Variants in MARCHF1 observed in about 807,000 individuals in gnomAD.
MARCHF1 encodes the protein membrane associated ring-CH-type finger 1.
Under a neutral mutation model 54.2 loss-of-function variants are expected in MARCHF1, and 40 were observed. The ratio of observed to expected loss-of-function variants is 0.74; its 90% confidence interval spans 0.57 to 0.96. The LOEUF (loss-of-function observed/expected upper bound fraction) is 0.96. Ranked by LOEUF, MARCHF1 falls within the 40% of genes least tolerant of loss-of-function variation. The probability of loss-of-function intolerance (pLI) is 0.00; values close to 1 mark genes in which losing one functional copy is unlikely to be tolerated. For missense variants in MARCHF1, 586 were observed against 656.5 expected, an observed-to-expected ratio of 0.89 and a Z score of 1.17; for synonymous variants, 236 against 236.3, an observed-to-expected ratio of 1.00 and a Z score of 0.01.
chr4:164,082,651 G>A (rs1755123931), intron 2 of MARCHF1, among the ~76,000 whole-genome samples: 1 of 152,066 alleles, frequency 6.6e-6, no homozygotes, highest in African/African-American at 2.4e-5. Flanking sequence ...AAGTAATTGG[G>A]CATCATATGT....
intron 3 of MARCHF1, among the ~76,000 whole-genome samples, chr4:163,938,175 T>C (rs928689616): frequency 1.3e-5 from 2 of 152,284 alleles, no homozygotes; most frequent in Non-Finnish European, 2.9e-5. Context: ...ACACTTCTTT[T>C]AGTGTGACAT....
At chr4:163,859,272 G>T (rs1266342622) in intron 3 of MARCHF1, among the ~76,000 whole-genome samples, 1 of 151,796 alleles carries the variant, frequency 6.6e-6, no homozygotes, top group African/African-American at 2.4e-5. Flanking sequence ...CCCTCACCTT[G>T]TAAGGTGGCA....
At chr4:164,138,619 A>C (rs1262835735) in intron 1 of MARCHF1, among the ~76,000 whole-genome samples, 1 of 152,202 alleles carries the variant, frequency 6.6e-6, no homozygotes, top group African/African-American at 2.4e-5. Context: ...TATGGGCAGA[A>C]CAGTGCAGAG....
At chr4:164,335,381 G>A (rs1041418986) in intron 1 of MARCHF1, among the ~76,000 whole-genome samples, 2 of 152,146 alleles carry the variant, frequency 1.3e-5, no homozygotes, top group Non-Finnish European at 2.9e-5. Flanking sequence ...CAGAGATCAA[G>A]ACCGTCCTGG....
intron 4 of MARCHF1, among the ~76,000 whole-genome samples, chr4:163,748,593 C>G (rs936233301): frequency 6.6e-6 from 1 of 152,152 alleles, no homozygotes; most frequent in African/African-American, 2.4e-5. Flanking sequence ...GCCTGCCAGG[C>G]TCAAGTAAGA....
chr4:163,716,071 T>G (rs1745245811), intron 4 of MARCHF1, among the ~76,000 whole-genome samples: 1 of 152,228 alleles, frequency 6.6e-6, no homozygotes, highest in Admixed American at 6.5e-5. Context: ...AATTATTGTT[T>G]ATTACCAGGA....
intron 8 of MARCHF1, among the ~76,000 whole-genome samples, chr4:163,551,899 T>A (rs1739119039): frequency 6.6e-6 from 1 of 152,172 alleles, no homozygotes; most frequent in Non-Finnish European, 1.5e-5. Context: ...CCATTAAACC[T>A]CTTTTTCTTC....
chr4:164,074,525 C>G (rs930259948), intron 2 of MARCHF1, among the ~76,000 whole-genome samples: 3 of 152,100 alleles, frequency 2.0e-5, no homozygotes, highest in Admixed American at 2.0e-4. Flanking sequence ...CATCTAAATA[C>G]TTTTTGCTTC....
intron 2 of MARCHF1, among the ~76,000 whole-genome samples, chr4:164,093,924 C>T (rs1004590329): frequency 5.3e-5 from 8 of 152,068 alleles, no homozygotes; most frequent in African/African-American, 1.9e-4. Flanking sequence ...GCTCTTCTGA[C>T]ACTGTTATAA....
chr4:164,169,751 G>A (rs1393105292), intron 1 of MARCHF1, among the ~76,000 whole-genome samples: 1 of 151,994 alleles, frequency 6.6e-6, no homozygotes, highest in African/African-American at 2.4e-5. Context: ...GACCACTCAG[G>A]ACTGTGGACA....
At chr4:164,153,734 CT>C (rs1730004314) in intron 1 of MARCHF1, among the ~76,000 whole-genome samples, 1 of 152,100 alleles carries the variant, frequency 6.6e-6, no homozygotes, top group Non-Finnish European at 1.5e-5. Context: ...AAAAAGCTAT[CT>C]CTTCTTGTGC....
intron 2 of MARCHF1, among the ~76,000 whole-genome samples, chr4:164,065,067 T>A (rs911459622): frequency 6.6e-6 from 1 of 152,152 alleles, no homozygotes; most frequent in Non-Finnish European, 1.5e-5. Context: ...TTTTGCTGAG[T>A]ATTTTTGCAT....
chr4:164,075,670 G>A (rs1263325830), intron 2 of MARCHF1, among the ~76,000 whole-genome samples: 2 of 152,238 alleles, frequency 1.3e-5, no homozygotes, highest in African/African-American at 4.8e-5. Context: ...TTGAAACTGT[G>A]ATGTTAATTG....
chr4:164,331,672 T>A (rs1735437207), intron 1 of MARCHF1, among the ~76,000 whole-genome samples: 1 of 152,226 alleles, frequency 6.6e-6, no homozygotes, highest in South Asian at 2.1e-4. Flanking sequence ...CATTTATATA[T>A]AGTAGAGTGT....
At chr4:163,573,921 T>A (rs1211396812) in intron 8 of MARCHF1, among the ~76,000 whole-genome samples, 289 of 124,776 alleles carry the variant, frequency 2.3e-3, no homozygotes, top group South Asian at 4.6e-3. Flanking sequence ...TAGTTTACAG[T>A]CCCACCAACA....
At chr4:164,049,331 G>A (rs1011423398) in intron 2 of MARCHF1, among the ~76,000 whole-genome samples, 7 of 152,132 alleles carry the variant, frequency 4.6e-5, no homozygotes, top group Admixed American at 4.6e-4. Context: ...CACCCACCAG[G>A]TCCCTCCCTT....
chr4:163,836,104 A>C (rs1749173814), intron 4 of MARCHF1, among the ~76,000 whole-genome samples: 1 of 152,168 alleles, frequency 6.6e-6, no homozygotes, highest in African/African-American at 2.4e-5. Flanking sequence ...TTCTTTTTAT[A>C]ATGCCAAAAA....
intron 2 of MARCHF1, among the ~76,000 whole-genome samples, chr4:164,059,196 T>C (rs1455105576): frequency 6.6e-6 from 1 of 152,190 alleles, no homozygotes; most frequent in Non-Finnish European, 1.5e-5. Context: ...GAAATATCAG[T>C]GATTCCGGAG....
At chr4:163,943,760 A>C (rs977193772) in intron 3 of MARCHF1, among the ~76,000 whole-genome samples, 9 of 151,192 alleles carry the variant, frequency 6.0e-5, no homozygotes, top group Admixed American at 5.3e-4. Context: ...AAAAAAAAAA[A>C]AAAAAAAAAA....
Sources: gnomAD v4.1 joint callset for allele counts (sites outside exome capture counted in the v4.1 genomes callset) on GRCh38, gnomAD v4.1.1 for gene constraint, MANE v1.5 for transcripts, NCBI Gene and HGNC (gene_info 2026-07-23, HGNC 2026-07-21) for gene names.